The following FBXL17 variants were observed in gnomAD, a reference collection of about 807,000 sequenced individuals.
The protein encoded by FBXL17 is F-box/LRR-repeat protein 17.
FBXL17 carries 22 observed loss-of-function variants against 66.2 expected under a neutral mutation model. The observed-to-expected ratio is 0.33, with a 90% CI of 0.24 to 0.47. The LOEUF (loss-of-function observed/expected upper bound fraction) is 0.47, where lower values mean the gene tolerates loss of function less well. Among genes scored for constraint, FBXL17 ranks in the 20% least tolerant of loss-of-function variants. FBXL17 has a pLI of 1.00. For missense variants in FBXL17, 878 were observed against 948.2 expected (o/e 0.93, Z 0.97); for synonymous variants, 474 against 400.5 (o/e 1.18, Z -2.19).
In FBXL17 at chr5:108,359,344, C is replaced by T. The variant is rs550658203; in HGVS notation, c.1374+5394G>A. On this transcript the variant is annotated intron_variant, in intron 3 of 8. Coordinates refer to ENST00000542267, the MANE Select transcript of FBXL17 (RefSeq NM_001163315.3). ...TCTGGTTATTATTTCCTTCCCTCCA[C>T]GAACTTTGGGTTTAGCCTGCTCTTC... is the stretch of plus-strand genomic sequence containing the variant. Among the ~76,000 whole-genome samples, 6 of 152,170 alleles carry T rather than the reference C, an allele frequency of 3.9e-5. 1 individual carries two copies. The highest frequency in any genetic ancestry group is 1.4e-4 in the African/African-American group (6 of 41,540).
At chr5:107,925,891 A>G (rs1750509163) in intron 7 of FBXL17, among the ~76,000 whole-genome samples, 1 of 152,204 alleles carries the variant, frequency 6.6e-6, no homozygotes, top group African/African-American at 2.4e-5. Context: ...CAGACTACTA[A>G]TACTAAAAGA....
chr5:107,919,236 A>G (rs767653796), intron 7 of FBXL17, among the ~76,000 whole-genome samples: 2 of 152,130 alleles, frequency 1.3e-5, no homozygotes, highest in African/African-American at 2.4e-5. Flanking sequence ...CTTGACTCTC[A>G]TTTGCTCTTA....
intron 7 of FBXL17, among the ~76,000 whole-genome samples, chr5:108,008,219 G>A (rs6872125): frequency 0.079 from 12,083 of 152,178 alleles, 1,148 homozygotes; most frequent in African/African-American, 0.22. Context: ...TGTTTCTAGC[G>A]CTTAAAATTT....
chr5:107,871,002 G>A (rs923793621), intron 8 of FBXL17, among the ~76,000 whole-genome samples: 1 of 146,056 alleles, frequency 6.8e-6, no homozygotes, highest in Non-Finnish European at 1.5e-5. Context: ...CGGTAGCCTG[G>A]GGTCTTTAAG....
chr5:108,279,942 A>G (rs1274454056), intron 4 of FBXL17, among the ~76,000 whole-genome samples: 1 of 152,100 alleles, frequency 6.6e-6, no homozygotes, highest in Non-Finnish European at 1.5e-5. Flanking sequence ...AAAATTAAAA[A>G]AGAATAATCT....
intron 6 of FBXL17, among the ~76,000 whole-genome samples, chr5:108,112,512 T>A (rs545285315): frequency 5.3e-5 from 8 of 152,284 alleles, no homozygotes; most frequent in East Asian, 1.9e-4. Context: ...AAGAATTTTT[T>A]AAAAATCAAT....
intron 1 of FBXL17, among the ~76,000 whole-genome samples, chr5:108,377,341 TC>T (rs1181650502): frequency 6.6e-6 from 1 of 152,220 alleles, no homozygotes; most frequent in African/African-American, 2.4e-5. Flanking sequence ...ACTCTTCCAC[TC>T]ACCCCAACTG....
At chr5:107,861,906 C>A in intron 8 of FBXL17, 46 bp from the exon 9 acceptor site, 1 of 1,428,852 alleles carries the variant, frequency 7.0e-7, no homozygotes, top group Admixed American at 2.3e-5. Context: ...ACCACCAACA[C>A]CACGCCGCTG....
chr5:108,287,396 T>C (rs1427220956), intron 4 of FBXL17, among the ~76,000 whole-genome samples: 2 of 151,826 alleles, frequency 1.3e-5, no homozygotes, highest in African/African-American at 4.8e-5. Flanking sequence ...CCAGAATCTA[T>C]AAGGAACTTA....
chr5:107,977,821 C>A (rs1355054950), intron 7 of FBXL17, among the ~76,000 whole-genome samples: 1 of 152,158 alleles, frequency 6.6e-6, no homozygotes, highest in Admixed American at 6.5e-5. Flanking sequence ...AATAACATTT[C>A]TTGTATGGCT....
chr5:108,348,523 G>A lies in FBXL17; in HGVS notation c.1382C>T (p.Ser461Leu), dbSNP rs779960651. The A allele has an allele frequency of 1.8e-5, 29 of 1,610,732 alleles. No homozygotes were observed. In the Admixed American group the frequency reaches 4.2e-4, roughly 23 times the overall value. Residue 461 changes from serine to leucine, a missense_variant, in exon 4 of 9, where the codon TCA (serine) becomes TTA (leucine). By Grantham distance (145) the Ser-to-Leu change is moderately radical. Transcript: ENST00000542267. Reference protein sequence around the residue: ...LTDEGLKQLGSKCRELKDIHF... With the variant: ...LTDEGLKQLGLKCRELKDIHF... ...AATATCTTTGAGTTCTCTGCATTTT[G>A]AGCCCAGCTGTAAACAAACAGATTT...
At chr5:107,929,652 C>T (rs1382796170) in intron 7 of FBXL17, among the ~76,000 whole-genome samples, 1 of 151,960 alleles carries the variant, frequency 6.6e-6, no homozygotes, top group East Asian at 1.9e-4. Context: ...ACCTATGAAA[C>T]AATGATTCCA....
intron 6 of FBXL17, among the ~76,000 whole-genome samples, chr5:108,045,376 A>G (rs1309732448): frequency 2.0e-5 from 3 of 152,140 alleles, no homozygotes; most frequent in African/African-American, 2.4e-5. Flanking sequence ...CAGGAGGCAG[A>G]GGTTTCAGTG....
At chr5:108,321,820 A>C (rs908445722) in intron 4 of FBXL17, among the ~76,000 whole-genome samples, 7 of 151,952 alleles carry the variant, frequency 4.6e-5, no homozygotes, top group Non-Finnish European at 1.0e-4. Flanking sequence ...TCACATATGA[A>C]GAACTAATAT....
chr5:108,009,261 TTATATATATATATATATATATA>T (rs375853217), intron 7 of FBXL17, among the ~76,000 whole-genome samples: 1 of 20,852 alleles, frequency 4.8e-5, no homozygotes, highest in Non-Finnish European at 8.6e-5. Flanking sequence ...GTTCCCTGTT[TTATATATATATATATATATATA>T]TATATATATA....
In FBXL17 at chr5:107,941,895, G is replaced by T. The variant is rs533126412; in HGVS notation, c.1823-60716C>A. ...GAAAAGAAGGTGACAGAATTCGTAG[G>T]CTTCCTTCCGTGACCGTCGTGGCTG... On this transcript the variant is annotated intron_variant, in intron 7 of 8. Transcript: ENST00000542267. 6.5e-4 allele frequency among the ~76,000 whole-genome samples: 99 copies of T among 152,166 alleles called. 1 individual carries two copies. Among genetic ancestry groups the T allele is most frequent in the Non-Finnish European group, 1.2e-3 (85 of 68,034 alleles).
intron 3 of FBXL17, among the ~76,000 whole-genome samples, chr5:108,355,639 A>T (rs1242363642): frequency 6.6e-6 from 1 of 152,192 alleles, no homozygotes; most frequent in Non-Finnish European, 1.5e-5. Flanking sequence ...GTGATGCAGT[A>T]CAAAGTTATT....
chr5:108,344,112 T>C (rs1747084423), intron 4 of FBXL17, among the ~76,000 whole-genome samples: 1 of 152,162 alleles, frequency 6.6e-6, no homozygotes, highest in Non-Finnish European at 1.5e-5. Flanking sequence ...AGGTTTTAAC[T>C]GAGTTCAGTG....
At chr5:108,213,130 A>C (rs1228154851) in intron 5 of FBXL17, among the ~76,000 whole-genome samples, 1 of 152,104 alleles carries the variant, frequency 6.6e-6, no homozygotes, top group East Asian at 1.9e-4. Flanking sequence ...AGCCTCAGCA[A>C]TGGCAGGTGA....
Sources: allele counts gnomAD v4.1 joint callset (sites outside exome capture counted in the v4.1 genomes callset), GRCh38; gene constraint gnomAD v4.1.1; transcripts MANE v1.5; gene names NCBI Gene and HGNC (gene_info 2026-07-23, HGNC 2026-07-21).